The following ZDHHC11 variants were observed in gnomAD, a reference collection of about 807,000 sequenced individuals.
The protein encoded by ZDHHC11 is zDHHC palmitoyltransferase 11.
ZDHHC11 carries 44 observed loss-of-function variants against 51.3 expected under a neutral mutation model. That is an observed-to-expected ratio of 0.86 (90% CI 0.67 to 1.10). The LOEUF is 1.10. Ranked by LOEUF, ZDHHC11 falls within the 50% of genes least tolerant of loss-of-function variation. ZDHHC11 has a pLI of 0.00. For synonymous variants in ZDHHC11, 163 were observed against 222.0 expected (o/e 0.73, Z 2.36); for missense variants, 400 against 537.7 (o/e 0.74, Z 2.53).
intron 3 of ZDHHC11, among the ~76,000 whole-genome samples, chr5:844,938 T>C (rs1479254052): frequency 2.0e-5 from 3 of 152,306 alleles, no homozygotes; most frequent in Non-Finnish European, 4.4e-5. Context: ...CTTTCTGCCA[T>C]GATGATATTT....
chr5:849,055 G>A (rs972562472), intron 1 of ZDHHC11, among the ~76,000 whole-genome samples: 1 of 151,934 alleles, frequency 6.6e-6, no homozygotes, highest in South Asian at 2.1e-4. Context: ...TTCACACATG[G>A]CCCTGCACAC....
chr5:843,532 C>G, intron 4 of ZDHHC11, 68 bp downstream of exon 4: 1 of 1,599,606 alleles, frequency 6.3e-7, no homozygotes, highest in Middle Eastern at 1.8e-4. Context: ...CACCCCAGAC[C>G]CGATACTACC....
chr5:841,507 T>G (rs1368868459), intron 4 of ZDHHC11: 1 of 994,634 alleles, frequency 1.0e-6, no homozygotes, highest in East Asian at 1.1e-4. Context: ...CATCCCTTCC[T>G]TATTTAGTGC....
At chr5:838,238 G>A (rs1023058223) in intron 5 of ZDHHC11, among the ~76,000 whole-genome samples, 2 of 151,946 alleles carry the variant, frequency 1.3e-5, no homozygotes, top group Non-Finnish European at 2.9e-5. Context: ...GCAGCCCAGG[G>A]AAGCAAAGCA....
At chr5:803,865 A>T (rs1328484339) in intron 11 of ZDHHC11, among the ~76,000 whole-genome samples, 2 of 150,338 alleles carry the variant, frequency 1.3e-5, no homozygotes, top group African/African-American at 4.9e-5. Flanking sequence ...TGAAATAAAA[A>T]GTTCATTAGA....
chr5:838,921 A>G (rs1744339501), intron 5 of ZDHHC11, among the ~76,000 whole-genome samples: 1 of 148,394 alleles, frequency 6.7e-6, no homozygotes, highest in South Asian at 2.1e-4. Flanking sequence ...AAGTTGGAAA[A>G]AAATGACAAG....
intron 3 of ZDHHC11, among the ~76,000 whole-genome samples, chr5:844,470 C>T (rs1416563447): frequency 1.3e-5 from 2 of 152,284 alleles, no homozygotes; most frequent in African/African-American, 2.4e-5. Flanking sequence ...GGCCTCTGCC[C>T]GCACCTCCCG....
At chr5:818,734 G>A (rs538753248) in intron 10 of ZDHHC11, among the ~76,000 whole-genome samples, 13 of 151,634 alleles carry the variant, frequency 8.6e-5, no homozygotes, top group Non-Finnish European at 1.3e-4. Context: ...GGTGGCACAC[G>A]CCTGTAGTTT....
rs542107884 is a variant in ZDHHC11 at position 816,254 on chromosome 5, C to A, written c.1147-1459G>T. The stretch of plus-strand genomic sequence containing the variant: ...AAAGTCACATTTATTCTTCTTTTTT[C>A]GGAAATAATGTTTTTGGGATCTATC... On this transcript the variant is annotated intron_variant, in intron 10 of 12. Transcript: ENST00000283441. The A allele has an allele frequency of 1.3e-5, 3 of 235,714 alleles. No individual in the cohort carries two copies. In the South Asian group the frequency reaches 1.6e-4, roughly 13 times the overall value. 14.6% of individuals were successfully genotyped at this position (235,714 alleles called of 1,614,324 possible). A position where few individuals can be genotyped will look rare whatever the true frequency, so the allele number is the denominator to read the frequency against.
At chr5:824,959 G>A (rs10063726) in intron 8 of ZDHHC11, among the ~76,000 whole-genome samples, 15 of 151,464 alleles carry the variant, frequency 9.9e-5, no homozygotes, top group African/African-American at 3.1e-4. Flanking sequence ...ATCTGTCTCT[G>A]TCACCCACAG....
chr5:854,266 C>G (rs995480721), upstream of ZDHHC11, among the ~76,000 whole-genome samples: 1 of 145,750 alleles, frequency 6.9e-6, no homozygotes, highest in South Asian at 2.2e-4. Context: ...TAGACCCCAC[C>G]AAGGACAGTG....
At chr5:843,954 G>GGT (rs1410330254) in intron 3 of ZDHHC11, among the ~76,000 whole-genome samples, 6 of 92,114 alleles carry the variant, frequency 6.5e-5, no homozygotes, top group African/African-American at 4.8e-4. Context: ...ATGCAGGGCA[G>GGT]GTGGGGGGTG....
intron 7 of ZDHHC11, among the ~76,000 whole-genome samples, chr5:828,211 C>T (rs1352064288): frequency 6.6e-6 from 1 of 151,526 alleles, no homozygotes; most frequent in Admixed American, 6.6e-5. Context: ...TTCCACAAAA[C>T]CGCCATTGTC....
At chr5:831,680 C>A (rs1206674947) in intron 7 of ZDHHC11, among the ~76,000 whole-genome samples, 3 of 149,290 alleles carry the variant, frequency 2.0e-5, no homozygotes, top group Admixed American at 6.8e-5. Flanking sequence ...AAATGGCCAA[C>A]AAGCATAGGA....
chr5:804,855 A>G (rs980358741), intron 11 of ZDHHC11, among the ~76,000 whole-genome samples: 4 of 151,332 alleles, frequency 2.6e-5, no homozygotes, highest in African/African-American at 9.7e-5. Flanking sequence ...AAGAAATATT[A>G]AATAAATTAT....
intron 10 of ZDHHC11, chr5:816,404 G>T: frequency 2.4e-6 from 1 of 424,092 alleles, no homozygotes; most frequent in South Asian, 1.8e-5. Context: ...TGGTGGGGTT[G>T]GCGGGGGTTC....
chr5:828,334 C>T (rs944894868), intron 7 of ZDHHC11, among the ~76,000 whole-genome samples: 25 of 151,338 alleles, frequency 1.7e-4, no homozygotes, highest in Admixed American at 9.2e-4. Context: ...CACCCCCCAC[C>T]TCCCAGATGC....
At chr5:853,220 G>A (rs1747561690), upstream of ZDHHC11, among the ~76,000 whole-genome samples, 1 of 134,066 alleles carries the variant, frequency 7.5e-6, no homozygotes, top group South Asian at 2.7e-4. Context: ...AGGACAGCGA[G>A]CCGGGGGGCA....
chr5:841,722 G>C, intron 4 of ZDHHC11: 5 of 993,044 alleles, frequency 5.0e-6, no homozygotes, highest in Non-Finnish European at 6.0e-6. Flanking sequence ...GTGACACTGG[G>C]CTGCCAACAC....
Sources: gnomAD v4.1 joint callset for allele counts (sites outside exome capture counted in the v4.1 genomes callset) on GRCh38, gnomAD v4.1.1 for gene constraint, MANE v1.5 for transcripts, NCBI Gene and HGNC (gene_info 2026-07-23, HGNC 2026-07-21) for gene names.